The following TRDN variants were observed in gnomAD, a reference collection of about 807,000 sequenced individuals.
TRDN encodes the protein triadin in skeletal muscle.
Under a neutral mutation model 149.7 loss-of-function variants are expected in TRDN, and 161 were observed. That is an observed-to-expected ratio of 1.08 (90% CI 0.95 to 1.23). TRDN has a LOEUF of 1.23. TRDN is among the 50% of genes most tolerant of loss of function. The pLI is 0.00. For synonymous variants in TRDN, 294 were observed against 250.5 expected (o/e 1.17, Z -1.64); for missense variants, 896 against 823.5 (o/e 1.09, Z -1.08).
At position 123,217,320 on chromosome 6, in the gene TRDN, A is replaced by G. The variant is rs1451393469; in HGVS notation, c.*1281T>C. The G allele has an allele frequency of 6.6e-6, 1 of 151,998 alleles. No homozygotes were observed. The highest frequency in any genetic ancestry group is 6.6e-5 in the Admixed American group (1 of 15,230). 9.4% of individuals were successfully genotyped at this position (151,998 alleles called of 1,614,324 possible). A position where few individuals can be genotyped will look rare whatever the true frequency, so the allele number is the denominator to read the frequency against. Reference sequence around the variant, plus strand: ...CTTGAAAATAAATCACTTGGCTAGTATTGGCTCTGGCTATCTCAGGCCTTG... The same window carrying G: ...CTTGAAAATAAATCACTTGGCTAGTGTTGGCTCTGGCTATCTCAGGCCTTG... On this transcript the variant is annotated 3_prime_UTR_variant, in exon 41 of 41. Coordinates refer to ENST00000334268, the MANE Select transcript of TRDN (RefSeq NM_006073.4).
At chr6:123,394,792 T>C (rs1772651783) in intron 12 of TRDN, among the ~76,000 whole-genome samples, 1 of 152,162 alleles carries the variant, frequency 6.6e-6, no homozygotes, top group Non-Finnish European at 1.5e-5. Context: ...TTACTATAGC[T>C]ATTTATTCAG....
At chr6:123,606,659 G>T (rs945826108) in intron 1 of TRDN, among the ~76,000 whole-genome samples, 3 of 151,984 alleles carry the variant, frequency 2.0e-5, no homozygotes, top group African/African-American at 7.2e-5. Flanking sequence ...TGTCCATGCA[G>T]TATTTATTTA....
intron 12 of TRDN, among the ~76,000 whole-genome samples, chr6:123,403,523 G>A (rs1773069159): frequency 6.6e-6 from 1 of 152,130 alleles, no homozygotes; most frequent in Non-Finnish European, 1.5e-5. Flanking sequence ...ATATGGAAAA[G>A]TCTGGGAAAT....
At chr6:123,502,246 C>T (rs531947154) in intron 8 of TRDN, 68 of 967,048 alleles carry the variant, frequency 7.0e-5, no homozygotes, top group South Asian at 1.9e-4. Context: ...TTATATTCAA[C>T]GTATTTTCTC....
intron 1 of TRDN, among the ~76,000 whole-genome samples, chr6:123,607,104 A>G (rs1488313715): frequency 6.6e-6 from 1 of 152,236 alleles, no homozygotes; most frequent in African/African-American, 2.4e-5. Flanking sequence ...GTGGTTCTCA[A>G]AAAGAAACTG....
chr6:123,345,938 G>A (rs972396370), intron 21 of TRDN, among the ~76,000 whole-genome samples: 3 of 151,988 alleles, frequency 2.0e-5, no homozygotes, highest in African/African-American at 7.2e-5. Flanking sequence ...GTTCCAGGAA[G>A]TTTTTGGAAT....
At chr6:123,345,071 T>C (rs117417318) in intron 21 of TRDN, among the ~76,000 whole-genome samples, 6,018 of 152,132 alleles carry the variant, frequency 0.04, 183 homozygotes, top group Non-Finnish European at 0.061. Flanking sequence ...ATATTTTTTT[T>C]CTTTCATGGA....
chr6:123,336,238 T>C (rs1779862478), intron 22 of TRDN, among the ~76,000 whole-genome samples: 1 of 152,048 alleles, frequency 6.6e-6, no homozygotes, highest in African/African-American at 2.4e-5. Context: ...AAATGGAATT[T>C]AAAGTAGGGC....
chr6:123,606,290 A>G (rs1342782914), intron 1 of TRDN, among the ~76,000 whole-genome samples: 1 of 152,222 alleles, frequency 6.6e-6, no homozygotes, highest in East Asian at 1.9e-4. Context: ...CCATACATAC[A>G]TATACATACA....
At chr6:123,614,820 A>G (rs955578261) in intron 1 of TRDN, among the ~76,000 whole-genome samples, 1 of 152,108 alleles carries the variant, frequency 6.6e-6, no homozygotes, top group Non-Finnish European at 1.5e-5. Context: ...AACTAAAAAG[A>G]TTCTGCACAG....
intron 1 of TRDN, among the ~76,000 whole-genome samples, chr6:123,630,059 A>C (rs1014653589): frequency 6.6e-6 from 1 of 152,036 alleles, no homozygotes; most frequent in Non-Finnish European, 1.5e-5. Context: ...TAACCTTGAC[A>C]AATCTTCCTA....
In TRDN at chr6:123,228,657, T is replaced by C. The variant is rs1775478150; in HGVS notation, c.1976-4526A>G. Among the ~76,000 whole-genome samples the C allele has an allele frequency of 2.0e-5, 3 of 151,998 alleles. No homozygotes were observed. The South Asian group carries it at 6.2e-4, about 32-fold the overall frequency. ...ACATGTGGGGATATGGAAATATAGT[T>C]CAAGATGAGATTTGGGTGGGGACAC... On this transcript the variant is annotated intron_variant, in intron 38 of 40. Transcript: ENST00000334268.
intron 9 of TRDN, among the ~76,000 whole-genome samples, chr6:123,466,537 G>T (rs1173136612): frequency 1.3e-5 from 2 of 151,444 alleles, no homozygotes; most frequent in Non-Finnish European, 2.9e-5. Context: ...TAACAGAAGG[G>T]TCATCTATCA....
At chr6:123,241,777 T>A (rs1775998446) in intron 38 of TRDN, among the ~76,000 whole-genome samples, 2 of 152,068 alleles carry the variant, frequency 1.3e-5, no homozygotes, top group African/African-American at 4.8e-5. Context: ...ATATCAAAAT[T>A]GTATCTCAAA....
intron 9 of TRDN, among the ~76,000 whole-genome samples, chr6:123,466,213 G>A (rs945805569): frequency 3.3e-5 from 5 of 152,082 alleles, no homozygotes; most frequent in Admixed American, 2.0e-4. Flanking sequence ...TAACATGGAA[G>A]TTTATTTTTT....
intron 22 of TRDN, 115 bp from the exon 23 acceptor site, chr6:123,332,044 A>C (rs1438760562): frequency 7.1e-6 from 5 of 706,026 alleles, no homozygotes; most frequent in East Asian, 2.8e-5. Flanking sequence ...TGGAAACTTT[A>C]TAATGCACTT....
At chr6:123,628,460 A>G (rs1785791367) in intron 1 of TRDN, among the ~76,000 whole-genome samples, 1 of 152,182 alleles carries the variant, frequency 6.6e-6, no homozygotes, top group African/African-American at 2.4e-5. Flanking sequence ...ATATCAAAGA[A>G]CAATGGTCAC....
intron 40 of TRDN, among the ~76,000 whole-genome samples, chr6:123,219,420 C>G (rs1775064910): frequency 1.3e-5 from 2 of 151,738 alleles, no homozygotes; most frequent in Non-Finnish European, 2.9e-5. Flanking sequence ...TCTTGGGTGC[C>G]TACAAACTTC....
At chr6:123,591,249 AT>A (rs201569296) in intron 1 of TRDN, among the ~76,000 whole-genome samples, 1 of 151,402 alleles carries the variant, frequency 6.6e-6, no homozygotes, top group Non-Finnish European at 1.5e-5. Context: ...GAACCCAAAT[AT>A]TTTTTTTTCT....
Sources: allele counts gnomAD v4.1 joint callset (sites outside exome capture counted in the v4.1 genomes callset), GRCh38; gene constraint gnomAD v4.1.1; transcripts MANE v1.5; gene names NCBI Gene and HGNC (gene_info 2026-07-23, HGNC 2026-07-21).